SLC29A2: variants seen among roughly 807,000 people sequenced by gnomAD.
The protein encoded by SLC29A2 is equilibrative nucleoside transporter 2.
Under a neutral mutation model 48.8 loss-of-function variants are expected in SLC29A2, and 37 were observed. That is an observed-to-expected ratio of 0.76 (90% CI 0.58 to 1.00). The LOEUF (loss-of-function observed/expected upper bound fraction) is 1.00, where lower values mean the gene tolerates loss of function less well. Ranked by LOEUF, SLC29A2 falls within the 50% of genes least tolerant of loss-of-function variation. The probability of loss-of-function intolerance (pLI) is 0.00; values close to 1 mark genes in which losing one functional copy is unlikely to be tolerated. For missense variants in SLC29A2, 533 were observed against 578.6 expected, an observed-to-expected ratio of 0.92 and a Z score of 0.81; for synonymous variants, 233 against 261.7, an observed-to-expected ratio of 0.89 and a Z score of 1.06.
upstream of SLC29A2, chr11:66,371,765 T>TC (rs1590667718): frequency 4.7e-6 from 3 of 633,134 alleles, no homozygotes; most frequent in Non-Finnish European, 8.1e-6. Context: ...TGTCTCGCGC[T>TC]CCGCAGGCTG....
At chr11:66,366,071 C>T (rs1393019718) in intron 9 of SLC29A2, 50 bp from the exon 10 acceptor site, 9 of 1,607,268 alleles carry the variant, frequency 5.6e-6, no homozygotes, top group East Asian at 4.5e-5. Flanking sequence ...TCCCCTCTCC[C>T]GTCCTCTCCC....
chr11:66,369,480 C>A lies in SLC29A2; in HGVS notation c.164G>T (p.Ser55Ile), dbSNP rs754393543. 2.5e-5 allele frequency: 41 copies of A among 1,613,926 alleles called. No homozygotes were observed. The highest frequency in any genetic ancestry group is 3.5e-5 in the Non-Finnish European group (41 of 1,180,008). The change falls in exon 3 of 12, where the codon AGC becomes ATC. Residue 55 changes from serine (S) to isoleucine (I), a missense_variant. Physicochemically the swap from Ser to Ile is moderately radical, Grantham distance 142. Coordinates refer to ENST00000357440, the MANE Select transcript of SLC29A2 (RefSeq NM_001532.3). ...GAGNSTARIL[S>I]TNHTGPEDAF... ...ATCCTCGGGACCCGTGTGGTTGGTG[C>A]TCAGGATCCTGGCTGTGCTGTTGCC... is the stretch of plus-strand genomic sequence containing the variant.
At position 66,371,288 on chromosome 11, in the gene SLC29A2, G is replaced by A; in HGVS notation, c.67C>T (p.Leu23=). 1 of 1,613,876 alleles carries A rather than the reference G, an allele frequency of 6.2e-7. No homozygotes were observed. Among genetic ancestry groups the A allele is most frequent in the Non-Finnish European group, 8.5e-7 (1 of 1,180,010 alleles). The change falls in exon 2 of 12, where the codon CTG becomes TTG. Residue 23 remains leucine (L), a synonymous_variant. Coordinates refer to ENST00000357440, the MANE Select transcript of SLC29A2 (RefSeq NM_001532.3). ...AAGTTCCAGGGAAGGAGGGTGCCCA[G>A]CCCCAGGATGAAGAAGCTGATCCCG... ...LVGISFFILG[L]GTLLPWNFFI...
Position 66,363,207 on chromosome 11 carries a change from T to TGCGGG in SLC29A2, c.*228_*229insCCCGC. The TGCGGG allele has an allele frequency of 1.8e-6, 1 of 567,592 alleles. No individual in the cohort carries two copies. The highest frequency in any genetic ancestry group is 3.2e-6 in the Non-Finnish European group (1 of 312,042). The allele number at this position is 567,592 out of a possible 1,614,324, so 35.2% of individuals were successfully genotyped here. A position where few individuals can be genotyped will look rare whatever the true frequency, so the allele number is the denominator to read the frequency against. ...TCATCACCCTTTCCATGAGGTCTTG[T>TGCGGG]GCGAGTCACCCCCATTCCTGGGTGA... On this transcript the variant is annotated 3_prime_UTR_variant, in exon 12 of 12. Transcript: ENST00000357440.
chr11:66,365,475 C>A (rs1010271327), intron 10 of SLC29A2, among the ~76,000 whole-genome samples: 1 of 152,220 alleles, frequency 6.6e-6, no homozygotes, highest in Non-Finnish European at 1.5e-5. Context: ...TTCCACAGAC[C>A]CCCTTGGGGG....
rs1215723093 is a variant in SLC29A2 at position 66,371,641 on chromosome 11, C to T, written c.-50G>A. 2 of 1,531,270 alleles carry T rather than the reference C, an allele frequency of 1.3e-6. No homozygotes were observed. The highest frequency in any genetic ancestry group is 3.9e-5 in the Admixed American group (2 of 51,084). 94.9% of individuals were successfully genotyped at this position (1,531,270 alleles called of 1,614,324 possible). A position where few individuals can be genotyped will look rare whatever the true frequency, so the allele number is the denominator to read the frequency against. On this transcript the variant is annotated 5_prime_UTR_variant, in exon 1 of 12. Transcript: ENST00000357440. ...GGTGAAAGGGGCAGAGAAGCCGCAC[C>T]TGCACCTGCGCTGGGGCGGAGGGCC...
chr11:66,364,274 C>G lies in SLC29A2; in HGVS notation c.1210G>C (p.Ala404Pro). 6.2e-7 allele frequency: 1 copy of G among 1,613,816 alleles called. No individual in the cohort carries two copies. Among genetic ancestry groups the G allele is most frequent in the Non-Finnish European group, 8.5e-7 (1 of 1,179,946 alleles). The change falls in exon 11 of 12, where the codon GCC becomes CCC. Residue 404 changes from alanine (A) to proline (P), a missense_variant. Ala to Pro is a conservative substitution (Grantham distance 27). Transcript: ENST00000357440. ...AYFITFMLLF[A>P]VSNGYLVSLT... ...GACACCAGGTAGCCATTAGAAACGG[C>G]AAAGAGCAGCATGAAGGTGATGAAG... is the stretch of plus-strand genomic sequence containing the variant.
intron 5 of SLC29A2, among the ~76,000 whole-genome samples, chr11:66,368,324 T>C (rs1296751151): frequency 6.6e-6 from 1 of 152,122 alleles, no homozygotes; most frequent in Admixed American, 6.5e-5. Context: ...ATCCTGCCCC[T>C]GTCCCTGAGT....
intron 4 of SLC29A2, 88 bp downstream of exon 4, chr11:66,368,971 GC>G (rs1855866433): frequency 1.4e-6 from 2 of 1,468,910 alleles, no homozygotes; most frequent in Non-Finnish European, 1.9e-6. Context: ...GATGCTGTCT[GC>G]CCTTCTCGGA....
intron 4 of SLC29A2, 147 bp from the exon 5 acceptor site, chr11:66,368,818 C>G: frequency 1.7e-6 from 2 of 1,189,832 alleles, no homozygotes; most frequent in Non-Finnish European, 2.4e-6. Context: ...TCGGGGGCAA[C>G]ACCCGCTATT....
In SLC29A2 at chr11:66,371,258, TGAA is replaced by T; in HGVS notation, c.94_96del (p.Phe32del). ...AGGAGTCTCACCGGGATGGCGGTGATGAAGAAGTTCCAGGGAAGGAGGGTGCCC... is the reference window on the plus strand; with the variant it reads ...AGGAGTCTCACCGGGATGGCGGTGATGAAGTTCCAGGGAAGGAGGGTGCCC... On this transcript the variant is annotated inframe_deletion, in exon 2 of 12. Transcript: ENST00000357440. The T allele has an allele frequency of 1.2e-6, 2 of 1,613,732 alleles. No individual in the cohort carries two copies. The highest frequency in any genetic ancestry group is 8.5e-7 in the Non-Finnish European group (1 of 1,179,972).
intron 1 of SLC29A2, 71 bp downstream of exon 1, chr11:66,371,492 G>T: frequency 1.3e-6 from 2 of 1,524,514 alleles, no homozygotes; most frequent in Non-Finnish European, 1.8e-6. Context: ...TCTTCTCTGA[G>T]CCTCGGAGCG....
chr11:66,366,699 C>A, intron 7 of SLC29A2, 135 bp from the exon 8 acceptor site: 2 of 986,230 alleles, frequency 2.0e-6, no homozygotes, highest in Non-Finnish European at 3.0e-6. Flanking sequence ...CCTGTAATCC[C>A]AACATTTTGG....
chr11:66,368,385 C>T, intron 5 of SLC29A2, 152 bp downstream of exon 5: 1 of 1,022,684 alleles, frequency 9.8e-7, no homozygotes. Flanking sequence ...CCCATGAGCC[C>T]CACTCCCTAG....
chr11:66,368,674 G>C lies in SLC29A2; in HGVS notation c.416-3C>G. ...GCCCTGTAGGACTGCACTGAAGGCT[G>C]TGGAGGACAGGGATGGGGGCTGCTG... is the stretch of plus-strand genomic sequence containing the variant. On this transcript the variant is annotated splice_polypyrimidine_tract_variant and splice_region_variant and intron_variant, in intron 4 of 11. Coordinates refer to ENST00000357440, the MANE Select transcript of SLC29A2 (RefSeq NM_001532.3). 1 of 1,594,514 alleles carries C rather than the reference G, an allele frequency of 6.3e-7. No homozygotes were observed.
At chr11:66,368,383 C>T (rs1388834031) in intron 5 of SLC29A2, among the ~76,000 whole-genome samples, 154 bp downstream of exon 5, 2 of 152,108 alleles carry the variant, frequency 1.3e-5, no homozygotes, top group African/African-American at 2.4e-5. Context: ...GGCCCATGAG[C>T]CCCACTCCCT....
At position 66,369,537 on chromosome 11, in the gene SLC29A2, C is replaced by G; in HGVS notation, c.112-5G>C. 6.2e-7 allele frequency: 1 copy of G among 1,613,698 alleles called. No homozygotes were observed. Among genetic ancestry groups the G allele is most frequent in the Non-Finnish European group, 8.5e-7 (1 of 1,179,866 alleles). On this transcript the variant is annotated splice_polypyrimidine_tract_variant and splice_region_variant and intron_variant, in intron 2 of 11. Transcript: ENST00000357440. ...GGCCAGTCGCGCCTGGAAGTACTGC[C>G]AGGTGGGGAGGTGGTGGAGGGTCAG... is the stretch of plus-strand genomic sequence containing the variant.
In SLC29A2 at chr11:66,365,997, C is replaced by G. The variant is rs1014025717; in HGVS notation, c.998G>C (p.Cys333Ser). The G allele has an allele frequency of 6.2e-7, 1 of 1,614,218 alleles. No homozygotes were observed. Among genetic ancestry groups the G allele is most frequent in the Non-Finnish European group, 8.5e-7 (1 of 1,180,028 alleles). ...KWSQFFNPICCFLLFNIMDWL... is the reference protein window; with the variant it reads ...KWSQFFNPICSFLLFNIMDWL... ...GTCCATGATGTTGAAGAGGAGGAAG[C>G]AGCAGATGGGGTTGAAGAACTGACC... The change falls in exon 10 of 12, where the codon TGC becomes TCC. Residue 333 changes from cysteine (C) to serine (S), a missense_variant. Transcript: ENST00000357440.
chr11:66,364,692 G>C (rs762305621), intron 10 of SLC29A2: 2 of 338,736 alleles, frequency 5.9e-6, no homozygotes, highest in Non-Finnish European at 1.1e-5. Context: ...ATTTTTAGTA[G>C]AGCCAGGTTT....
Sources: gnomAD v4.1 joint callset for allele counts (sites outside exome capture counted in the v4.1 genomes callset) on GRCh38, gnomAD v4.1.1 for gene constraint, MANE v1.5 for transcripts, NCBI Gene and HGNC (gene_info 2026-07-23, HGNC 2026-07-21) for gene names.